The following IQGAP2 variants were observed in gnomAD, a reference collection of about 807,000 sequenced individuals.
The protein encoded by IQGAP2 is IQ motif containing GTPase activating protein 2.
In IQGAP2, 173 loss-of-function variants were observed where a neutral mutation model predicts 201.3. The observed-to-expected ratio is 0.86, with a 90% CI of 0.76 to 0.98. IQGAP2 has a LOEUF of 0.98. IQGAP2 is among the 50% of genes least tolerant of loss of function. IQGAP2 has a pLI of 0.00. For missense variants in IQGAP2, 1,687 were observed against 1,864.8 expected, an observed-to-expected ratio of 0.90 and a Z score of 1.76; for synonymous variants, 675 against 673.9, an observed-to-expected ratio of 1.00 and a Z score of -0.03.
At chr5:76,652,122 G>A (rs182876052) in intron 17 of IQGAP2, among the ~76,000 whole-genome samples, 242 of 152,296 alleles carry the variant, frequency 1.6e-3, no homozygotes, top group Non-Finnish European at 2.4e-3. Flanking sequence ...ATACTAGTTT[G>A]TGTCCAGTTT....
chr5:76,606,138 A>T, intron 11 of IQGAP2, 41 bp from the exon 12 acceptor site: 2 of 1,536,624 alleles, frequency 1.3e-6, no homozygotes, highest in Non-Finnish European at 1.8e-6. Flanking sequence ...ACGAAGAATG[A>T]ATGTCTCTAA....
intron 2 of IQGAP2, among the ~76,000 whole-genome samples, chr5:76,559,067 AT>A (rs1209632397): frequency 6.6e-6 from 1 of 151,808 alleles, no homozygotes; most frequent in South Asian, 2.1e-4. Flanking sequence ...CGACCGGCTA[AT>A]TTTTTTGTAT....
intron 5 of IQGAP2, among the ~76,000 whole-genome samples, chr5:76,578,929 G>A (rs929106102): frequency 3.4e-5 from 5 of 146,616 alleles, no homozygotes; most frequent in Admixed American, 7.0e-5. Context: ...ATATCTGGAG[G>A]CCTTTTACGT....
rs1212289060 is a variant in IQGAP2 at position 76,674,465 on chromosome 5, G to T, written c.3295-12G>T. 1 of 1,560,894 alleles carries T rather than the reference G, an allele frequency of 6.4e-7. No homozygotes were observed. Among genetic ancestry groups the T allele is most frequent in the Non-Finnish European group, 8.8e-7 (1 of 1,133,280 alleles). On this transcript the variant is annotated splice_polypyrimidine_tract_variant and intron_variant, in intron 26 of 35. Transcript: ENST00000274364. ...CTCTTAAAAATGGTCATGCACTTCT[G>T]CGTCACTCCAGATTGTTGGAAACCT...
At chr5:76,660,101 G>C (rs987846919) in intron 21 of IQGAP2, 1 of 35,550 alleles carries the variant, frequency 2.8e-5, no homozygotes. Flanking sequence ...GTGGCTCATA[G>C]AGCGCCAGCG....
At chr5:76,479,259 A>G (rs572682625) in intron 2 of IQGAP2, among the ~76,000 whole-genome samples, 47 of 152,190 alleles carry the variant, frequency 3.1e-4, no homozygotes, top group African/African-American at 1.1e-3. Flanking sequence ...ACTGCCTTGC[A>G]CGGGGCCTGT....
At chr5:76,471,635 AAGG>A (rs1459909791) in intron 2 of IQGAP2, among the ~76,000 whole-genome samples, 6 of 152,190 alleles carry the variant, frequency 3.9e-5, no homozygotes, top group African/African-American at 4.8e-5. Flanking sequence ...TCAGATTTGA[AAGG>A]AGAAGTGCTT....
chr5:76,549,996 C>T (rs573659563), intron 2 of IQGAP2, among the ~76,000 whole-genome samples: 5 of 152,298 alleles, frequency 3.3e-5, no homozygotes, highest in Admixed American at 2.6e-4. Context: ...CATTCAACAA[C>T]CTAAGCCTTA....
At chr5:76,663,222 G>A (rs1395282858) in intron 21 of IQGAP2, among the ~76,000 whole-genome samples, 1 of 152,158 alleles carries the variant, frequency 6.6e-6, no homozygotes, top group Non-Finnish European at 1.5e-5. Flanking sequence ...GGTGGGAAGT[G>A]GCCAGGGTGA....
rs1269487786 is a variant in IQGAP2 at position 76,707,844 on chromosome 5, C to T, written c.*531C>T. Reference sequence around the variant, plus strand: ...TTTTATAAGTAATTGAAAATGACAACACAATAACACTTTCTGTATAAAAGT... The same window carrying T: ...TTTTATAAGTAATTGAAAATGACAATACAATAACACTTTCTGTATAAAAGT... On this transcript the variant is annotated 3_prime_UTR_variant, in exon 36 of 36. Transcript: ENST00000274364. 2.0e-5 allele frequency: 3 copies of T among 152,760 alleles called. No homozygotes were observed. The highest frequency in any genetic ancestry group is 3.2e-3 in the Middle Eastern group (1 of 316). The allele number at this position is 152,760 out of a possible 1,614,324, so 9.5% of individuals were successfully genotyped here. A position where few individuals can be genotyped will look rare whatever the true frequency, so the allele number is the denominator to read the frequency against.
At chr5:76,601,895 C>T (rs1050888545) in intron 11 of IQGAP2, among the ~76,000 whole-genome samples, 4 of 152,142 alleles carry the variant, frequency 2.6e-5, no homozygotes, top group Non-Finnish European at 5.9e-5. Context: ...GAAACTAATT[C>T]TCTTGTTCTA....
At chr5:76,510,488 A>G (rs1757896316) in intron 2 of IQGAP2, 1 of 343,472 alleles carries the variant, frequency 2.9e-6, no homozygotes, top group South Asian at 2.3e-5. Flanking sequence ...GGCAGGATCC[A>G]CTCAGGCTGC....
At chr5:76,601,613 A>C (rs1265610377) in intron 11 of IQGAP2, among the ~76,000 whole-genome samples, 20 of 152,190 alleles carry the variant, frequency 1.3e-4, no homozygotes, top group Admixed American at 1.3e-3. Context: ...CGCTGAGATA[A>C]AAGCCCCAGT....
chr5:76,544,365 G>A (rs1286359224), intron 2 of IQGAP2, among the ~76,000 whole-genome samples: 4 of 152,314 alleles, frequency 2.6e-5, no homozygotes, highest in Admixed American at 6.5e-5. Flanking sequence ...GAGACTCAAG[G>A]ACAGGGCCAC....
chr5:76,615,895 A>G (rs943252092), intron 13 of IQGAP2: 3 of 152,634 alleles, frequency 2.0e-5, no homozygotes, highest in Non-Finnish European at 4.4e-5. Context: ...TGTATGCCCA[A>G]CCTGAAATGA....
At chr5:76,639,567 A>G (rs1000250275) in intron 16 of IQGAP2, among the ~76,000 whole-genome samples, 2 of 152,248 alleles carry the variant, frequency 1.3e-5, no homozygotes, top group African/African-American at 4.8e-5. Context: ...ACGCGTCATA[A>G]TATGTTTAAA....
chr5:76,505,774 C>G (rs1440463757), intron 2 of IQGAP2, among the ~76,000 whole-genome samples: 1 of 152,154 alleles, frequency 6.6e-6, no homozygotes, highest in African/African-American at 2.4e-5. Context: ...GTTCTTGTCT[C>G]TTTAGACCAT....
intron 13 of IQGAP2, chr5:76,618,692 AAAGT>A (rs3839250): frequency 0.025 from 34,486 of 1,389,666 alleles, 758 homozygotes; most frequent in East Asian, 0.14. Flanking sequence ...AAGAGAAAAG[AAAGT>A]GTGTTTAATT....
At chr5:76,533,958 T>A (rs1333161265) in intron 2 of IQGAP2, among the ~76,000 whole-genome samples, 1 of 152,224 alleles carries the variant, frequency 6.6e-6, no homozygotes, top group Non-Finnish European at 1.5e-5. Context: ...CTTTTAACTT[T>A]GGGAAATTGG....
Sources: gnomAD v4.1 joint callset for allele counts (sites outside exome capture counted in the v4.1 genomes callset) on GRCh38, gnomAD v4.1.1 for gene constraint, MANE v1.5 for transcripts, NCBI Gene and HGNC (gene_info 2026-07-23, HGNC 2026-07-21) for gene names.